URI1: variants seen among roughly 807,000 people sequenced by gnomAD.
URI1 encodes the protein URI1 prefoldin like chaperone.
URI1 carries 39 observed loss-of-function variants against 60.2 expected under a neutral mutation model. The ratio of observed to expected loss-of-function variants is 0.65; its 90% CI spans 0.50 to 0.85. URI1 has a LOEUF of 0.85. URI1 is among the 40% of genes least tolerant of loss of function. The pLI is 0.00. For synonymous variants in URI1, 251 were observed against 236.8 expected, an observed-to-expected ratio of 1.06 and a Z score of -0.55; for missense variants, 691 against 665.9, an observed-to-expected ratio of 1.04 and a Z score of -0.42.
intron 1 of URI1, among the ~76,000 whole-genome samples, chr19:29,965,331 A>G (rs1375545311): frequency 6.6e-6 from 1 of 152,196 alleles, no homozygotes; most frequent in Non-Finnish European, 1.5e-5. Flanking sequence ...CGAGGAAGGC[A>G]TGTGAATGGA....
At chr19:29,970,466 T>C (rs142396204) in intron 1 of URI1, among the ~76,000 whole-genome samples, 2 of 152,242 alleles carry the variant, frequency 1.3e-5, no homozygotes, top group East Asian at 3.9e-4. Context: ...CATTTTTCTT[T>C]ATTGTCTAGT....
intron 1 of URI1, among the ~76,000 whole-genome samples, chr19:29,960,823 A>C (rs957109661): frequency 2.6e-5 from 4 of 152,036 alleles, no homozygotes; most frequent in African/African-American, 9.7e-5. Context: ...TTATTCAAAA[A>C]ATTGTAGTAA....
intron 2 of URI1, among the ~76,000 whole-genome samples, chr19:29,984,383 T>G (rs915334448): frequency 6.6e-6 from 1 of 152,078 alleles, no homozygotes; most frequent in Non-Finnish European, 1.5e-5. Context: ...GAGCTGAGAT[T>G]GTGCCACTGC....
intron 2 of URI1, among the ~76,000 whole-genome samples, chr19:29,979,462 A>G (rs560101030): frequency 3.3e-5 from 5 of 152,310 alleles, no homozygotes; most frequent in Non-Finnish European, 7.4e-5. Context: ...GTGATAACTG[A>G]CAAGTCTTCA....
intron 1 of URI1, among the ~76,000 whole-genome samples, chr19:29,949,398 C>T (rs879389707): frequency 4.0e-5 from 6 of 150,492 alleles, no homozygotes; most frequent in East Asian, 4.0e-4. Context: ...GGATGGCGGC[C>T]GGGAAGAGGC....
At chr19:29,989,403 G>A (rs1350589690) in intron 4 of URI1, among the ~76,000 whole-genome samples, 3 of 146,748 alleles carry the variant, frequency 2.0e-5, no homozygotes, top group Non-Finnish European at 4.5e-5. Context: ...GTGTGCCATT[G>A]CACCTGGCCT....
chr19:29,995,017 G>T (rs1206467243), intron 4 of URI1, among the ~76,000 whole-genome samples: 1 of 151,920 alleles, frequency 6.6e-6, no homozygotes, highest in Non-Finnish European at 1.5e-5. Context: ...CCTGACCTCA[G>T]GTGATGCATC....
Position 29,994,748 on chromosome 19 carries a change from G to A in URI1, c.367+8331G>A, listed in dbSNP as rs78014801. ...AATTATTTGGGGTGTATATCTGAAA[G>A]TGGAATTGCTGGATCATATGGAAAT... On this transcript the variant is annotated intron_variant, in intron 4 of 10. Transcript: ENST00000392271. Among the ~76,000 whole-genome samples, 753 of 151,464 alleles carry A rather than the reference G, an allele frequency of 5.0e-3. 5 individuals carry two copies. Among genetic ancestry groups the A allele is most frequent in the Middle Eastern group, 0.01 (3 of 286 alleles).
intron 1 of URI1, among the ~76,000 whole-genome samples, chr19:29,949,033 GGCA>G (rs1448442179): frequency 4.2e-4 from 62 of 146,516 alleles, no homozygotes; most frequent in Admixed American, 2.0e-3. Context: ...TCCCGGACGG[GGCA>G]GCTGGCCGGG....
At chr19:29,931,078 T>C (rs1469124101) in intron 1 of URI1, among the ~76,000 whole-genome samples, 1 of 152,098 alleles carries the variant, frequency 6.6e-6, no homozygotes, top group Non-Finnish European at 1.5e-5. Flanking sequence ...CCAACTTTGT[T>C]CTTCTTTTTC....
In URI1 at chr19:29,961,477, A is replaced by G. The variant is rs147968269; in HGVS notation, c.118-9716A>G. On this transcript the variant is annotated intron_variant, in intron 1 of 10. Coordinates refer to ENST00000392271, the MANE Select transcript of URI1 (RefSeq NM_003796.3). ...TCAAGGTTCGTCCACGTTGTGGCACATATCAGAATTTCTTCCTTTTTAAGG... is the reference window on the plus strand; with the variant it reads ...TCAAGGTTCGTCCACGTTGTGGCACGTATCAGAATTTCTTCCTTTTTAAGG... Among the ~76,000 whole-genome samples the G allele has an allele frequency of 5.9e-3, 900 of 152,170 alleles. 10 individuals carry two copies. Among genetic ancestry groups the G allele is most frequent in the African/African-American group, 0.021 (855 of 41,536 alleles).
At chr19:29,994,275 C>A (rs2055783665) in intron 4 of URI1, among the ~76,000 whole-genome samples, 1 of 152,120 alleles carries the variant, frequency 6.6e-6, no homozygotes, top group South Asian at 2.1e-4. Flanking sequence ...TGCTAACTAG[C>A]TAACTTACTG....
At chr19:29,961,293 C>T (rs890838871) in intron 1 of URI1, among the ~76,000 whole-genome samples, 2 of 138,638 alleles carry the variant, frequency 1.4e-5, no homozygotes, top group Admixed American at 7.6e-5. Flanking sequence ...AAACTCTGTT[C>T]ATTAAACAAT....
At chr19:29,975,862 C>T (rs1394153908) in intron 2 of URI1, among the ~76,000 whole-genome samples, 1 of 152,080 alleles carries the variant, frequency 6.6e-6, no homozygotes, top group East Asian at 1.9e-4. Context: ...TAAATCTTTT[C>T]AGAAATGGTT....
intron 4 of URI1, among the ~76,000 whole-genome samples, chr19:30,002,827 T>C (rs1479139153): frequency 1.3e-5 from 2 of 152,004 alleles, no homozygotes; most frequent in Non-Finnish European, 2.9e-5. Flanking sequence ...AATACAGATA[T>C]TGTCTATATC....
intron 2 of URI1, among the ~76,000 whole-genome samples, chr19:29,974,643 G>A (rs1430886805): frequency 6.6e-6 from 1 of 152,072 alleles, no homozygotes; most frequent in African/African-American, 2.4e-5. Context: ...TGTTGCAAAG[G>A]TGCATTGCAT....
At chr19:29,938,523 AC>A (rs1267934111), upstream of URI1, among the ~76,000 whole-genome samples, 1 of 152,050 alleles carries the variant, frequency 6.6e-6, no homozygotes, top group Non-Finnish European at 1.5e-5. Flanking sequence ...CAATATCCAA[AC>A]CATGTTAGTG....
chr19:29,980,922 C>CAA (rs5827686), intron 2 of URI1, among the ~76,000 whole-genome samples: 10 of 68,586 alleles, frequency 1.5e-4, no homozygotes, highest in Admixed American at 5.0e-4. Flanking sequence ...ACTCCATCTC[C>CAA]AAAAAAAAAA....
chr19:29,970,773 T>C (rs1344404340), intron 1 of URI1, among the ~76,000 whole-genome samples: 1 of 152,106 alleles, frequency 6.6e-6, no homozygotes, highest in Non-Finnish European at 1.5e-5. Context: ...AAATAAAATA[T>C]TGTCACTACA....
Sources: allele counts gnomAD v4.1 joint callset (sites outside exome capture counted in the v4.1 genomes callset), GRCh38; gene constraint gnomAD v4.1.1; transcripts MANE v1.5; gene names NCBI Gene and HGNC (gene_info 2026-07-23, HGNC 2026-07-21).